The following PDE4A variants were observed in gnomAD, a reference collection of about 807,000 sequenced individuals.
PDE4A encodes the protein 3',5'-cyclic-AMP phosphodiesterase 4A.
A neutral mutation model predicts 73.9 loss-of-function variants in PDE4A; 21 were observed. That is an observed-to-expected ratio of 0.28 (90% CI 0.20 to 0.41). The LOEUF (loss-of-function observed/expected upper bound fraction) is 0.41. Among genes scored for constraint, PDE4A ranks in the 10% least tolerant of loss-of-function variants. PDE4A has a pLI of 1.00. For missense variants in PDE4A, 958 were observed against 1,211.4 expected, an observed-to-expected ratio of 0.79 and a Z score of 3.10; for synonymous variants, 463 against 505.4, an observed-to-expected ratio of 0.92 and a Z score of 1.13.
chr19:10,421,149 T>C, intron 1 of PDE4A, 65 bp downstream of exon 1: 2 of 1,337,724 alleles, frequency 1.5e-6, no homozygotes, highest in Non-Finnish European at 1.9e-6. Context: ...CAACTCGAGC[T>C]GCCGGCCGCA....
rs1437782243 is a variant in PDE4A, at chr19:10,461,585, G to T, written c.1525G>T (p.Val509Leu). 1 of 1,614,016 alleles carries T rather than the reference G, an allele frequency of 6.2e-7. No homozygotes were observed. The highest frequency in any genetic ancestry group is 8.5e-7 in the Non-Finnish European group (1 of 1,179,998). Reference protein sequence around the residue: ...ESVLENHHLAVGFKLLQEDNC... With the variant: ...ESVLENHHLALGFKLLQEDNC... ...GGTGCTCGAGAATCACCACCTGGCCGTGGGCTTCAAGCTGCTGCAGGAGGA... is the reference window on the plus strand; with the variant it reads ...GGTGCTCGAGAATCACCACCTGGCCTTGGGCTTCAAGCTGCTGCAGGAGGA... Residue 509 changes from valine (V) to leucine (L), a missense_variant, in exon 12 of 15, where the codon GTG becomes TTG. Transcript: ENST00000380702.
intron 5 of PDE4A, 27 bp downstream of exon 5, chr19:10,450,679 G>A (rs199986071): frequency 3.8e-6 from 6 of 1,598,808 alleles, no homozygotes; most frequent in Non-Finnish European, 5.1e-6. Flanking sequence ...GGGTGGGAAG[G>A]GGCCCCCCTT....
At chr19:10,463,032 T>C (rs1173825349) in intron 13 of PDE4A, among the ~76,000 whole-genome samples, 1 of 151,980 alleles carries the variant, frequency 6.6e-6, no homozygotes, top group African/African-American at 2.4e-5. Context: ...TCTTTTCCTT[T>C]CCTTTCCTGT....
chr19:10,419,371 A>T (rs1172067329), upstream of PDE4A: 2 of 143,876 alleles, frequency 1.4e-5, no homozygotes, highest in Admixed American at 6.9e-5. Context: ...GGGAGGCGGG[A>T]GCGTGAGTCA....
At chr19:10,446,086 CA>C in intron 1 of PDE4A, 131 bp from the exon 2 acceptor site, 2 of 1,369,768 alleles carry the variant, frequency 1.5e-6, no homozygotes, top group Non-Finnish European at 1.9e-6. Flanking sequence ...GATTCACCCC[CA>C]CTTGGCCTCC....
chr19:10,441,147 A>G (rs1000830287), intron 1 of PDE4A, among the ~76,000 whole-genome samples: 1 of 151,770 alleles, frequency 6.6e-6, no homozygotes, highest in Non-Finnish European at 1.5e-5. Context: ...GTGATCCTCC[A>G]GTCTTAGCCT....
At chr19:10,449,652 G>A (rs1372093138) in intron 4 of PDE4A, among the ~76,000 whole-genome samples, 2 of 152,000 alleles carry the variant, frequency 1.3e-5, no homozygotes, top group Non-Finnish European at 2.9e-5. Context: ...GAGCCTCTGC[G>A]CCCGGCCCAG....
At position 10,463,966 on chromosome 19, in the gene PDE4A, GAA is replaced by G; in HGVS notation, c.1918_1919del (p.Lys640ValfsTer7). On this transcript the variant is annotated frameshift_variant, in exon 14 of 15. Coordinates refer to ENST00000380702, the MANE Select transcript of PDE4A (RefSeq NM_001111307.2). LOFTEE classifies it low-confidence loss of function (END_TRUNC). ...MCDKHTASVE[K>X]SQVGFIDYIV... ...GTGACAAGCACACTGCCTCCGTGGA[GAA>G]GTCTCAGGTACAGGCTCGGGGCATT... 2 of 1,614,154 alleles carry G rather than the reference GAA, an allele frequency of 1.2e-6. No individual in the cohort carries two copies. Among genetic ancestry groups the G allele is most frequent in the Non-Finnish European group, 1.7e-6 (2 of 1,180,002 alleles).
chr19:10,419,852 C>T (rs1475813036), upstream of PDE4A, among the ~76,000 whole-genome samples: 1 of 152,206 alleles, frequency 6.6e-6, no homozygotes, highest in African/African-American at 2.4e-5. Context: ...GATGCACATC[C>T]TCCAAATAGG....
intron 1 of PDE4A, among the ~76,000 whole-genome samples, chr19:10,444,633 G>A (rs1215082520): frequency 6.6e-6 from 1 of 151,910 alleles, no homozygotes; most frequent in Non-Finnish European, 1.5e-5. Context: ...TGGAGAAACA[G>A]CCTGTGCAAA....
chr19:10,430,834 G>C (rs2042777823), intron 1 of PDE4A: 2 of 1,136,854 alleles, frequency 1.8e-6, no homozygotes, highest in Non-Finnish European at 1.1e-6. Context: ...AGGCGGGGCC[G>C]CCCCGCGGCC....
rs766059941 is a variant in PDE4A at position 10,446,430 on chromosome 19, A to G, written c.512+21A>G. 6.3e-6 allele frequency: 10 copies of G among 1,595,906 alleles called. No individual in the cohort carries two copies. The East Asian group carries it at 1.8e-4, about 29-fold the overall frequency. On this transcript the variant is annotated intron_variant, in intron 2 of 14. Coordinates refer to ENST00000380702, the MANE Select transcript of PDE4A (RefSeq NM_001111307.2). ...GAGGCGTGAGCATCCTTCTCCCCACATGCCAGTTCCCCCAGGCCTGGTCCT... is the reference window on the plus strand; with the variant it reads ...GAGGCGTGAGCATCCTTCTCCCCACGTGCCAGTTCCCCCAGGCCTGGTCCT...
rs976680226 is a variant in PDE4A at position 10,453,437 on chromosome 19, G to T, written c.784-1392G>T. On this transcript the variant is annotated intron_variant, in intron 6 of 14. Transcript: ENST00000380702. This position sits in a 1 kb window ranked among gnomAD's most constrained non-coding sequence, Gnocchi z 4.6. ...GTGTGTGGCCTGGAGATGAAGCCTT[G>T]TGACTGTCTCTGTGTGTGGCCCAGG... The T allele has an allele frequency of 3.0e-6, 4 of 1,337,500 alleles. No homozygotes were observed. Among genetic ancestry groups the T allele is most frequent in the Non-Finnish European group, 3.0e-6 (3 of 996,508 alleles). 82.9% of individuals were successfully genotyped at this position (1,337,500 alleles called of 1,614,324 possible).
At chr19:10,452,342 C>T (rs551457722) in intron 6 of PDE4A, among the ~76,000 whole-genome samples, 19 of 151,318 alleles carry the variant, frequency 1.3e-4, no homozygotes, top group South Asian at 2.1e-4. Context: ...GAGGCTGAGG[C>T]GGGAGAATTG....
In PDE4A at chr19:10,424,600, A is replaced by G. The variant is rs1014463116; in HGVS notation, c.320+3516A>G. On this transcript the variant is annotated intron_variant, in intron 1 of 14. Transcript: ENST00000380702. The surrounding 1 kb of genome is among the most constrained non-coding windows in gnomAD (Gnocchi z 4.8). ...CGCCGCCACCGTCGCGGCGCCCGGT[A>G]TTATTATTTTATGCTTATTGAGCGT... 3.9e-5 allele frequency among the ~76,000 whole-genome samples: 6 copies of G among 152,134 alleles called. No individual in the cohort carries two copies. Among genetic ancestry groups the G allele is most frequent in the African/African-American group, 1.4e-4 (6 of 41,438 alleles).
In PDE4A at chr19:10,455,773, C is replaced by CA. The variant is rs34278258; in HGVS notation, c.877+862dup. ...GTGAGACTCTGTCTCAAAAAATAAA[C>CA]AAAAAAAAAAAGCCTCCAAGCTGAA... On this transcript the variant is annotated intron_variant, in intron 7 of 14. Transcript: ENST00000380702. 7.2e-4 allele frequency among the ~76,000 whole-genome samples: 105 copies of CA among 145,986 alleles called. No individual in the cohort carries two copies. In the Middle Eastern group the frequency reaches 0.011, roughly 15 times the overall value.
At chr19:10,451,394 C>A (rs912228794) in intron 6 of PDE4A, among the ~76,000 whole-genome samples, 14 of 151,744 alleles carry the variant, frequency 9.2e-5, no homozygotes, top group African/African-American at 3.4e-4. Flanking sequence ...CAATAGGTGA[C>A]CGTTTCCGTT....
chr19:10,420,403 C>A (rs997837358), upstream of PDE4A: 27 of 974,816 alleles, frequency 2.8e-5, no homozygotes, highest in South Asian at 9.5e-5. The surrounding 1 kb of genome is among the most constrained non-coding windows in gnomAD (Gnocchi z 6.0). Context: ...TAGCTGCCCC[C>A]CGCTGGCCCG....
At chr19:10,425,877 C>G (rs1409855554) in intron 1 of PDE4A, among the ~76,000 whole-genome samples, 1 of 148,492 alleles carries the variant, frequency 6.7e-6, no homozygotes, top group East Asian at 2.0e-4. Flanking sequence ...ATCCCAGCTA[C>G]TGGTGAGGCT....
Sources: gnomAD v4.1 joint callset for allele counts (sites outside exome capture counted in the v4.1 genomes callset) on GRCh38, gnomAD v4.1.1 for gene constraint, Gnocchi (gnomAD v3.1) non-coding constraint, MANE v1.5 for transcripts, NCBI Gene and HGNC (gene_info 2026-07-23, HGNC 2026-07-21) for gene names.